RAPGEF4: variants seen among roughly 807,000 people sequenced by gnomAD.
RAPGEF4 encodes Rap guanine nucleotide exchange factor 4, also known as RAP guanine-nucleotide-exchange factor (GEF) 4.
RAPGEF4 carries 66 observed loss-of-function variants against 147.9 expected under a neutral mutation model. The observed-to-expected ratio is 0.45, with a 90% CI of 0.37 to 0.55. RAPGEF4 has a LOEUF of 0.55. RAPGEF4 is among the 20% of genes least tolerant of loss of function. RAPGEF4 has a pLI of 0.00. For synonymous variants in RAPGEF4, 419 were observed against 442.7 expected (o/e 0.95, Z 0.67); for missense variants, 1,071 against 1,257.3 (o/e 0.85, Z 2.24).
At chr2:173,007,232 G>T (rs753132950) in intron 17 of RAPGEF4, among the ~76,000 whole-genome samples, 1 of 152,198 alleles carries the variant, frequency 6.6e-6, no homozygotes, top group Non-Finnish European at 1.5e-5. Flanking sequence ...ACAAGCCCTT[G>T]GCTTGAGACT....
chr2:172,889,062 A>G (rs1697582936), intron 4 of RAPGEF4, among the ~76,000 whole-genome samples: 1 of 152,254 alleles, frequency 6.6e-6, no homozygotes, highest in Non-Finnish European at 1.5e-5. Flanking sequence ...ACAATTTCTG[A>G]GATTGATAGG....
chr2:172,890,385 T>G (rs1015074809), intron 4 of RAPGEF4, among the ~76,000 whole-genome samples: 1 of 152,244 alleles, frequency 6.6e-6, no homozygotes, highest in African/African-American at 2.4e-5. Flanking sequence ...TGGGCTACAT[T>G]ACAGGAGACT....
chr2:172,769,463 T>G (rs1158988071), intron 1 of RAPGEF4, among the ~76,000 whole-genome samples: 1 of 152,152 alleles, frequency 6.6e-6, no homozygotes, highest in Non-Finnish European at 1.5e-5. Flanking sequence ...CCTGTCTTCC[T>G]TCCTGGGGTA....
intron 4 of RAPGEF4, among the ~76,000 whole-genome samples, chr2:172,869,284 A>G (rs1212783092): frequency 6.6e-6 from 1 of 152,182 alleles, no homozygotes; most frequent in Non-Finnish European, 1.5e-5. Flanking sequence ...ACCAAACCAG[A>G]GCCCTTGATA....
intron 22 of RAPGEF4, among the ~76,000 whole-genome samples, chr2:173,020,410 G>C (rs936573170): frequency 2.6e-5 from 4 of 152,128 alleles, no homozygotes. Context: ...ATTCCTTTTT[G>C]TGGCCATTTC....
At chr2:172,916,220 T>C (rs1484383751) in intron 4 of RAPGEF4, among the ~76,000 whole-genome samples, 1 of 152,152 alleles carries the variant, frequency 6.6e-6, no homozygotes, top group Non-Finnish European at 1.5e-5. Context: ...CTCATGGGGA[T>C]TGACATTAAG....
intron 14 of RAPGEF4, among the ~76,000 whole-genome samples, chr2:172,989,464 G>A (rs902047849): frequency 1.3e-5 from 2 of 152,216 alleles, no homozygotes; most frequent in African/African-American, 2.4e-5. Flanking sequence ...TGGGGTGGTA[G>A]AGGGAACTAT....
At chr2:172,799,083 G>C (rs1686699542) in intron 3 of RAPGEF4, among the ~76,000 whole-genome samples, 1 of 152,166 alleles carries the variant, frequency 6.6e-6, no homozygotes, top group Non-Finnish European at 1.5e-5. Flanking sequence ...ATGGGAAGGA[G>C]AACAGTTAGC....
At chr2:173,012,424 G>T (rs1390665564) in intron 17 of RAPGEF4, among the ~76,000 whole-genome samples, 1 of 152,064 alleles carries the variant, frequency 6.6e-6, no homozygotes, top group Admixed American at 6.5e-5. Flanking sequence ...TCTCCATTTG[G>T]CTCCTATGCC....
chr2:172,953,711 T>C (rs1688450663), intron 6 of RAPGEF4, among the ~76,000 whole-genome samples: 1 of 152,174 alleles, frequency 6.6e-6, no homozygotes, highest in African/African-American at 2.4e-5. Context: ...TGTTCAGCTC[T>C]TGTTGGAGCT....
At chr2:172,893,707 A>C (rs1698179379) in intron 4 of RAPGEF4, 1 of 152,192 alleles carries the variant, frequency 6.6e-6, no homozygotes, top group African/African-American at 2.4e-5. Flanking sequence ...CTTTAGAAGA[A>C]AGGGCTCCAG....
At chr2:172,859,994 G>A (rs1693844072) in intron 4 of RAPGEF4, 3 of 981,306 alleles carry the variant, frequency 3.1e-6, no homozygotes, top group Non-Finnish European at 3.6e-6. Flanking sequence ...TGGAAAACAG[G>A]GAGGGGTGGG....
chr2:172,940,785 G>A (rs1016704062), intron 6 of RAPGEF4, among the ~76,000 whole-genome samples: 2 of 152,012 alleles, frequency 1.3e-5, no homozygotes, highest in Admixed American at 6.6e-5. Context: ...ATTTCGATTG[G>A]GATTCATTGG....
At chr2:173,024,460 G>T (rs577989269) in intron 23 of RAPGEF4, among the ~76,000 whole-genome samples, 4 of 151,396 alleles carry the variant, frequency 2.6e-5, no homozygotes, top group Non-Finnish European at 4.4e-5. Context: ...CTCGTGATCC[G>T]CCCGCCTCGG....
At chr2:173,041,697 G>T (rs933783097) in intron 29 of RAPGEF4, among the ~76,000 whole-genome samples, 1 of 152,158 alleles carries the variant, frequency 6.6e-6, no homozygotes, top group African/African-American at 2.4e-5. Context: ...ATCTAGACTA[G>T]CCCTAAGCAC....
rs116282795 is a variant in RAPGEF4 at position 172,862,985 on chromosome 2, C to T, written c.444+48560C>T. ...AGCTGGCTAGAAGGGTGGAACAGTA[C>T]CTTTGATAAGAATATGACCTGAGAC... On this transcript the variant is annotated intron_variant, in intron 4 of 30. Coordinates refer to ENST00000397081, the MANE Select transcript of RAPGEF4 (RefSeq NM_007023.4). Among the ~76,000 whole-genome samples, 442 of 152,068 alleles carry T rather than the reference C, an allele frequency of 2.9e-3. 1 individual carries two copies. The highest frequency in any genetic ancestry group is 0.01 in the African/African-American group (419 of 41,474).
chr2:172,769,473 A>G (rs923306493), intron 1 of RAPGEF4, among the ~76,000 whole-genome samples: 2 of 152,176 alleles, frequency 1.3e-5, no homozygotes, highest in Admixed American at 6.5e-5. Context: ...TTCCTGGGGT[A>G]TGCATCAATT....
At chr2:172,773,287 C>G (rs1011669937) in intron 1 of RAPGEF4, among the ~76,000 whole-genome samples, 1 of 152,148 alleles carries the variant, frequency 6.6e-6, no homozygotes, top group Admixed American at 6.5e-5. Context: ...CTATTACAAT[C>G]AAATACAGCC....
At chr2:172,895,238 G>A (rs1293045464) in intron 4 of RAPGEF4, among the ~76,000 whole-genome samples, 3 of 152,078 alleles carry the variant, frequency 2.0e-5, no homozygotes, top group Non-Finnish European at 4.4e-5. Context: ...GAGCCATTCC[G>A]GTGGGTTTGG....
Sources: allele counts gnomAD v4.1 joint callset (sites outside exome capture counted in the v4.1 genomes callset), GRCh38; gene constraint gnomAD v4.1.1; transcripts MANE v1.5; gene names NCBI Gene and HGNC (gene_info 2026-07-23, HGNC 2026-07-21).